Variants in UPP2 observed in about 807,000 individuals in gnomAD.
The protein encoded by UPP2 is UPase 2.
Under a neutral mutation model 26.7 loss-of-function variants are expected in UPP2, and 23 were observed. The ratio of observed to expected loss-of-function variants is 0.86; its 90% CI spans 0.62 to 1.22. UPP2 has a LOEUF of 1.22. Ranked by LOEUF, UPP2 falls within the 50% of genes most tolerant of loss-of-function variation. The pLI, the probability that UPP2 is intolerant of heterozygous loss-of-function variation, is 0.00. For missense variants in UPP2, 387 were observed against 396.7 expected, an observed-to-expected ratio of 0.98 and a Z score of 0.21; for synonymous variants, 127 against 141.3, an observed-to-expected ratio of 0.90 and a Z score of 0.72.
chr2:158,132,316 A>C (rs1683835810), intron 6 of UPP2, among the ~76,000 whole-genome samples: 1 of 152,190 alleles, frequency 6.6e-6, no homozygotes, highest in Non-Finnish European at 1.5e-5. Flanking sequence ...AGGATTGCCT[A>C]ATGGTTCACC....
intron 3 of UPP2, among the ~76,000 whole-genome samples, chr2:158,048,582 T>C (rs7577260): frequency 0.72 from 109,560 of 152,152 alleles, 39,865 homozygotes; most frequent in African/African-American, 0.8. Flanking sequence ...CCAGCCTGTA[T>C]GACAGAATGA....
upstream of UPP2, among the ~76,000 whole-genome samples, chr2:158,101,608 C>G (rs1167119148): frequency 6.6e-6 from 1 of 152,186 alleles, no homozygotes; most frequent in East Asian, 1.9e-4. Context: ...TTGAGAAGAC[C>G]TGGTAGGTGT....
At chr2:158,129,920 C>T (rs867279734) in intron 6 of UPP2, among the ~76,000 whole-genome samples, 1 of 151,972 alleles carries the variant, frequency 6.6e-6, no homozygotes, top group Non-Finnish European at 1.5e-5. Context: ...TTCATACAAC[C>T]ACGAATTTGT....
intron 6 of UPP2, among the ~76,000 whole-genome samples, chr2:158,132,352 A>G (rs117324791): frequency 6.6e-6 from 1 of 152,330 alleles, no homozygotes; most frequent in East Asian, 1.9e-4. Flanking sequence ...GGAGGAGTGG[A>G]TGGAAGGTAG....
At chr2:158,123,956 C>A (rs1324260699) in intron 6 of UPP2, 61 bp downstream of exon 6, 1 of 1,558,038 alleles carries the variant, frequency 6.4e-7, no homozygotes, top group South Asian at 1.2e-5. Context: ...ACTTTTACAC[C>A]TTAGGAGAAG....
chr2:158,104,964 A>G (rs1452308419), intron 1 of UPP2, among the ~76,000 whole-genome samples: 17 of 75,232 alleles, frequency 2.3e-4, no homozygotes, highest in East Asian at 2.0e-3. Flanking sequence ...AGGGAAGGGA[A>G]GGGAAGGGAA....
chr2:158,091,206 C>T (rs563702200), intron 3 of UPP2, among the ~76,000 whole-genome samples: 12 of 152,096 alleles, frequency 7.9e-5, no homozygotes, highest in Non-Finnish European at 1.2e-4. Context: ...AAACTGCTGC[C>T]TGGGGATGCT....
rs181074982 is a variant in UPP2 at position 158,010,642 on chromosome 2, A to G, written c.62-5159A>G. ...GGCCAAAAACTGGTGAGGGAAATAC[A>G]GGGCAGGTATTCAACAAGGATTGTT... On this transcript the variant is annotated intron_variant, in intron 2 of 9. Coordinates refer to the UPP2 transcript ENST00000605860. Among the ~76,000 whole-genome samples the G allele has an allele frequency of 3.8e-3, 578 of 152,348 alleles. 2 individuals carry two copies. Among genetic ancestry groups the G allele is most frequent in the African/African-American group, 0.013 (541 of 41,568 alleles).
chr2:158,023,571 T>C (rs568510543), intron 3 of UPP2, among the ~76,000 whole-genome samples: 2 of 152,298 alleles, frequency 1.3e-5, no homozygotes, highest in East Asian at 1.9e-4. Flanking sequence ...ACAAAGCTGG[T>C]CAGCAGGAGA....
At chr2:157,997,747 G>A (rs1371970413) in intron 2 of UPP2, among the ~76,000 whole-genome samples, 1 of 152,198 alleles carries the variant, frequency 6.6e-6, no homozygotes, top group African/African-American at 2.4e-5. Context: ...GAGATTGGGT[G>A]TGTGATGAGG....
chr2:158,062,360 T>C (rs911452679), intron 3 of UPP2, among the ~76,000 whole-genome samples: 9 of 152,240 alleles, frequency 5.9e-5, no homozygotes, highest in African/African-American at 2.2e-4. Flanking sequence ...GACAGTGTAG[T>C]TCTAGATGCT....
intron 3 of UPP2, among the ~76,000 whole-genome samples, chr2:158,083,266 T>C (rs1357770526): frequency 6.6e-6 from 1 of 152,182 alleles, no homozygotes; most frequent in East Asian, 1.9e-4. Context: ...CGTATGTTTA[T>C]TGCGGCACTG....
intron 3 of UPP2, among the ~76,000 whole-genome samples, chr2:158,028,956 T>A (rs1683878677): frequency 6.6e-6 from 1 of 152,182 alleles, no homozygotes; most frequent in Non-Finnish European, 1.5e-5. Context: ...CATGAGAAAG[T>A]GAGGAAGGCT....
At chr2:158,051,245 C>G (rs964756829) in intron 3 of UPP2, among the ~76,000 whole-genome samples, 1 of 151,018 alleles carries the variant, frequency 6.6e-6, no homozygotes, top group Non-Finnish European at 1.5e-5. Context: ...GTCTGTCAAA[C>G]TTCCTTTTTT....
At chr2:158,054,250 CCT>C (rs1682208503) in intron 3 of UPP2, among the ~76,000 whole-genome samples, 1 of 151,706 alleles carries the variant, frequency 6.6e-6, no homozygotes, top group Non-Finnish European at 1.5e-5. Flanking sequence ...AGAGTGAGAC[CCT>C]GTCTCAAGGA....
rs111448512 is a variant in UPP2 at position 158,047,241 on chromosome 2, C to T, written c.147+31355C>T. Among the ~76,000 whole-genome samples, 611 of 152,266 alleles carry T rather than the reference C, an allele frequency of 4.0e-3. 2 individuals are homozygous for T. Among genetic ancestry groups the T allele is most frequent in the African/African-American group, 0.014 (564 of 41,548 alleles). The stretch of plus-strand genomic sequence containing the variant: ...TCAGGAACTCCACATGTTCACACAG[C>T]GGGGGTATTGAGGTTCATTTAAGGG... On this transcript the variant is annotated intron_variant, in intron 3 of 9. Transcript: ENST00000605860.
At chr2:158,009,408 T>C (rs1420988930) in intron 2 of UPP2, among the ~76,000 whole-genome samples, 2 of 152,212 alleles carry the variant, frequency 1.3e-5, no homozygotes, top group East Asian at 3.8e-4. Context: ...AAGAAACCCT[T>C]ACATAGACAT....
At chr2:158,044,166 T>G (rs1185275259) in intron 3 of UPP2, among the ~76,000 whole-genome samples, 4 of 152,064 alleles carry the variant, frequency 2.6e-5, no homozygotes, top group African/African-American at 9.7e-5. Context: ...ATGGGTTAGA[T>G]TTAGACTAGC....
chr2:158,068,804 T>TATATA (rs1682489452), intron 3 of UPP2, among the ~76,000 whole-genome samples: 24 of 14,578 alleles, frequency 1.6e-3, no homozygotes, highest in East Asian at 3.4e-3. Flanking sequence ...ATATATATAT[T>TATATA]TTTTTTTTTT....
Sources: allele counts gnomAD v4.1 joint callset (sites outside exome capture counted in the v4.1 genomes callset), GRCh38; gene constraint gnomAD v4.1.1; transcripts MANE v1.5; gene names NCBI Gene and HGNC (gene_info 2026-07-23, HGNC 2026-07-21).